The following KDM5A variants were observed in gnomAD, a reference collection of about 807,000 sequenced individuals.
KDM5A encodes the protein lysine demethylase 5A, also known as lysine-specific demethylase 5A.
In KDM5A, 42 loss-of-function variants were observed where a neutral mutation model predicts 193.5. That is an observed-to-expected ratio of 0.22 (90% confidence interval 0.17 to 0.28). The LOEUF is 0.28. Among genes scored for constraint, KDM5A ranks in the 10% least tolerant of loss-of-function variants. KDM5A has a pLI of 1.00. For missense variants in KDM5A, 1,692 were observed against 2,055.1 expected, an observed-to-expected ratio of 0.82 and a Z score of 3.42; for synonymous variants, 796 against 718.1, an observed-to-expected ratio of 1.11 and a Z score of -1.73.
At chr12:377,378 G>C (rs1479741533) in intron 3 of KDM5A, among the ~76,000 whole-genome samples, 1 of 151,912 alleles carries the variant, frequency 6.6e-6, no homozygotes, top group Non-Finnish European at 1.5e-5. Flanking sequence ...TATCAGATTA[G>C]AAAGGTTATT....
intron 24 of KDM5A, among the ~76,000 whole-genome samples, chr12:299,141 A>G (rs1195226600): frequency 6.6e-6 from 1 of 152,188 alleles, no homozygotes; most frequent in Admixed American, 6.5e-5. Context: ...ATTATCCAGG[A>G]GAACTTCCCC....
chr12:291,021 T>A (rs1943286607), intron 27 of KDM5A, among the ~76,000 whole-genome samples: 1 of 152,194 alleles, frequency 6.6e-6, no homozygotes, highest in African/African-American at 2.4e-5. Flanking sequence ...AAAGAGAAAG[T>A]TAACTCTTCA....
chr12:314,321 G>A (rs905331672), intron 19 of KDM5A, among the ~76,000 whole-genome samples: 1 of 151,954 alleles, frequency 6.6e-6, no homozygotes, highest in Non-Finnish European at 1.5e-5. Context: ...TCAGTCTCCC[G>A]AGTAGCTGGG....
At chr12:290,837 A>C (rs2137362019) in intron 27 of KDM5A, among the ~76,000 whole-genome samples, 1 of 152,324 alleles carries the variant, frequency 6.6e-6, no homozygotes, top group African/African-American at 2.4e-5. Flanking sequence ...ATAAGGAGAA[A>C]GAGTATAAAA....
At chr12:383,515 C>T (rs902881755) in intron 3 of KDM5A, among the ~76,000 whole-genome samples, 2 of 151,904 alleles carry the variant, frequency 1.3e-5, no homozygotes, top group African/African-American at 4.8e-5. Flanking sequence ...CCGTGCCTGG[C>T]CCAAATTTTC....
At position 334,336 on chromosome 12, in the gene KDM5A, A is replaced by G; in HGVS notation, c.1395T>C (p.Gly465=). 1 of 1,614,022 alleles carries G rather than the reference A, an allele frequency of 6.2e-7. No individual in the cohort carries two copies. The highest frequency in any genetic ancestry group is 8.5e-7 in the Non-Finnish European group (1 of 1,179,890). The change falls in exon 11 of 28, where the codon GGT becomes GGC. Residue 465 remains glycine (G), a synonymous_variant. Transcript: ENST00000399788. ...CCACATAGAGCCACGGCACTTTCAT[A>G]CCAGAGATGTCCACATTAATATGTG... ...VLAHINVDIS[G]MKVPWLYVGM...
Position 333,600 on chromosome 12 carries a change from G to A in KDM5A, c.1540C>T (p.Leu514=), listed in dbSNP as rs1943889662. The A allele has an allele frequency of 1.2e-6, 2 of 1,614,066 alleles. No homozygotes were observed. The highest frequency in any genetic ancestry group is 1.7e-6 in the Non-Finnish European group (2 of 1,180,006). ...YGVPSHAAEQ[L]EEVMRELAPE... is the part of the protein sequence containing the mutation. ...GCCAGCTCTCTCATCACCTCCTCCA[G>A]TTGCTCTGCAGCATGAGATGGCACA... Residue 514 remains leucine (L), a synonymous_variant, in exon 12 of 28, where the codon CTG becomes TTG. Transcript: ENST00000399788.
chr12:335,720 T>C (rs1233208865), intron 10 of KDM5A, among the ~76,000 whole-genome samples: 1 of 152,094 alleles, frequency 6.6e-6, no homozygotes, highest in Non-Finnish European at 1.5e-5. Flanking sequence ...CACAGAAATA[T>C]ATAAACTATC....
At position 307,326 on chromosome 12, in the gene KDM5A, G is replaced by A. The variant is rs1943519784; in HGVS notation, c.3930+128C>T. 1 of 1,093,960 alleles carries A rather than the reference G, an allele frequency of 9.1e-7. No individual in the cohort carries two copies. Among genetic ancestry groups the A allele is most frequent in the Admixed American group, 1.9e-5 (1 of 51,740 alleles). 67.8% of individuals were successfully genotyped at this position (1,093,960 alleles called of 1,614,324 possible). On this transcript the variant is annotated intron_variant, in intron 23 of 27. Coordinates refer to ENST00000399788, the MANE Select transcript of KDM5A (RefSeq NM_001042603.3). The surrounding 1 kb of genome is among the most constrained non-coding windows in gnomAD (Gnocchi z 4.3). ...AAGTGCTATAGTGTATGTTGAAGGA[G>A]AATGCAATGGATAATTGCTGACAAG...
intron 3 of KDM5A, among the ~76,000 whole-genome samples, chr12:368,184 C>T (rs1309727408): frequency 6.6e-6 from 1 of 152,020 alleles, no homozygotes; most frequent in African/African-American, 2.4e-5. Flanking sequence ...TGCATAATTC[C>T]ATTTATATAA....
chr12:307,043 C>T lies in KDM5A; in HGVS notation c.3977G>A (p.Ser1326Asn), dbSNP rs147537828. The T allele has an allele frequency of 5.0e-5, 81 of 1,614,090 alleles. No homozygotes were observed. In the African/African-American group the frequency reaches 1.0e-3, roughly 20 times the overall value. Residue 1326 changes from serine (S) to asparagine (N), a missense_variant, in exon 24 of 28, where the codon AGC becomes AAC. Around this residue, in one of 11 missense-constraint regions of KDM5A, gnomAD observed 965 missense variants for 1,061.0 expected, o/e 0.91. Coordinates refer to ENST00000399788, the MANE Select transcript of KDM5A (RefSeq NM_001042603.3). This position sits in a 1 kb window ranked among gnomAD's most constrained non-coding sequence, Gnocchi z 4.3. The part of the protein sequence containing the change: ...FQQSAFNRVV[S>N]SVSSSPRQTM... Reference sequence around the variant, plus strand: ...TTGTCGAGGAGAAGATGACACACTGCTCACCACCCGGTTAAAAGCAGACTG... The same window carrying T: ...TTGTCGAGGAGAAGATGACACACTGTTCACCACCCGGTTAAAAGCAGACTG...
chr12:321,261 T>G, intron 17 of KDM5A, 152 bp from the exon 18 acceptor site: 1 of 657,224 alleles, frequency 1.5e-6, no homozygotes, highest in South Asian at 1.7e-5. Context: ...TTCAAAACAG[T>G]TGAGTTATTC....
At chr12:288,249 C>A (rs1456338470) in intron 27 of KDM5A, among the ~76,000 whole-genome samples, 3 of 152,138 alleles carry the variant, frequency 2.0e-5, no homozygotes, top group African/African-American at 7.2e-5. Flanking sequence ...TATGTAGTAT[C>A]CTGAAAACTC....
intron 3 of KDM5A, among the ~76,000 whole-genome samples, chr12:379,742 G>A (rs1049850266): frequency 2.0e-5 from 3 of 152,068 alleles, no homozygotes; most frequent in Non-Finnish European, 4.4e-5. Context: ...CCAATAAACC[G>A]TCAGATAAGC....
intron 3 of KDM5A, among the ~76,000 whole-genome samples, chr12:374,176 T>C (rs910999478): frequency 1.3e-5 from 2 of 152,124 alleles, no homozygotes; most frequent in African/African-American, 2.4e-5. Context: ...ATATTGACAG[T>C]AGGGTGTTAA....
chr12:363,499 G>A (rs77566602), intron 4 of KDM5A, among the ~76,000 whole-genome samples: 2,662 of 152,252 alleles, frequency 0.017, 105 homozygotes, highest in South Asian at 0.16. Context: ...CAATGGTGGT[G>A]AGCTAAATCA....
intron 4 of KDM5A, among the ~76,000 whole-genome samples, chr12:364,939 T>C (rs570274130): frequency 1.3e-5 from 2 of 152,076 alleles, no homozygotes; most frequent in Non-Finnish European, 2.9e-5. Context: ...AGCCATAAAC[T>C]GGAAACAATC....
At chr12:374,524 T>A (rs1372095133) in intron 3 of KDM5A, among the ~76,000 whole-genome samples, 1 of 152,224 alleles carries the variant, frequency 6.6e-6, no homozygotes, top group Non-Finnish European at 1.5e-5. Context: ...TGACTCTTTA[T>A]CCAATTTGCC....
intron 3 of KDM5A, 49 bp from the exon 4 acceptor site, chr12:366,153 T>C: frequency 6.6e-7 from 1 of 1,523,926 alleles, no homozygotes; most frequent in Non-Finnish European, 9.1e-7. Flanking sequence ...AATTCAAGCA[T>C]CTTGACTCTT....
Sources: gnomAD v4.1 joint callset for allele counts (sites outside exome capture counted in the v4.1 genomes callset) on GRCh38, gnomAD v4.1.1 for gene constraint, gnomAD v4.1.1 regional missense constraint, Gnocchi (gnomAD v3.1) non-coding constraint, MANE v1.5 for transcripts, NCBI Gene and HGNC (gene_info 2026-07-23, HGNC 2026-07-21) for gene names.